Variants in B3GALT1 observed in about 807,000 individuals in gnomAD.
B3GALT1 encodes beta-1,3-galactosyltransferase 1.
B3GALT1 carries 10 observed loss-of-function variants against 23.2 expected under a neutral mutation model. That is an observed-to-expected ratio of 0.43 (90% CI 0.27 to 0.73). The LOEUF is 0.73. Among genes scored for constraint, B3GALT1 ranks in the 30% least tolerant of loss-of-function variants. The pLI is 0.21. For synonymous variants in B3GALT1, 156 were observed against 141.5 expected (o/e 1.10, Z -0.73); for missense variants, 299 against 405.4 (o/e 0.74, Z 2.25).
chr2:167,373,127 A>G (rs1464293452), intron 1 of B3GALT1, among the ~76,000 whole-genome samples: 1 of 152,150 alleles, frequency 6.6e-6, no homozygotes, highest in Non-Finnish European at 1.5e-5. Flanking sequence ...GAGAAAAAGA[A>G]CATATTTTCA....
chr2:167,477,441 T>A (rs1160913263), intron 1 of B3GALT1, among the ~76,000 whole-genome samples: 1 of 152,076 alleles, frequency 6.6e-6, no homozygotes, highest in Non-Finnish European at 1.5e-5. Context: ...CCAAGAACAG[T>A]TTAAGAATCA....
At chr2:167,294,621 A>C (rs1696319713) in intron 1 of B3GALT1, among the ~76,000 whole-genome samples, 1 of 152,140 alleles carries the variant, frequency 6.6e-6, no homozygotes, top group Admixed American at 6.5e-5. Context: ...AGTTCTTGAA[A>C]TACCTCAATA....
intron 3 of B3GALT1, among the ~76,000 whole-genome samples, chr2:167,771,147 G>A (rs1388217215): frequency 6.6e-6 from 1 of 152,138 alleles, no homozygotes; most frequent in African/African-American, 2.4e-5. Flanking sequence ...TTAAACTGTG[G>A]ACTAATAATG....
At chr2:167,610,372 G>T (rs1039196207) in intron 2 of B3GALT1, among the ~76,000 whole-genome samples, 1 of 152,036 alleles carries the variant, frequency 6.6e-6, no homozygotes, top group Non-Finnish European at 1.5e-5. Flanking sequence ...TGGAAAACAT[G>T]TTCCTTGTAG....
intron 1 of B3GALT1, among the ~76,000 whole-genome samples, chr2:167,297,248 T>C (rs895148634): frequency 2.6e-5 from 4 of 152,126 alleles, no homozygotes. Context: ...TTTATGACTG[T>C]GCAAAGTCAA....
chr2:167,429,810 A>G (rs1180357508), intron 1 of B3GALT1, among the ~76,000 whole-genome samples: 1 of 152,244 alleles, frequency 6.6e-6, no homozygotes, highest in Non-Finnish European at 1.5e-5. Flanking sequence ...ATTCCTGTAA[A>G]GAACAATGCC....
rs367603806 is a variant in B3GALT1, at chr2:167,539,867, A to G, written c.-410+49590A>G. ...TTAAATGGCTTTCTTGTAAGCTTTT[A>G]ATTATTTTCTGTTTTCTGAACCTTG... is the stretch of plus-strand genomic sequence containing the variant. On this transcript the variant is annotated intron_variant, in intron 2 of 4. Coordinates refer to ENST00000392690, the MANE Select transcript of B3GALT1 (RefSeq NM_020981.4). Among the ~76,000 whole-genome samples the G allele has an allele frequency of 3.3e-5, 5 of 152,164 alleles. No individual in the cohort carries two copies. In the South Asian group the frequency reaches 6.2e-4, roughly 19 times the overall value.
intron 1 of B3GALT1, among the ~76,000 whole-genome samples, chr2:167,411,873 A>C (rs1267277866): frequency 6.6e-6 from 1 of 152,220 alleles, no homozygotes; most frequent in African/African-American, 2.4e-5. Context: ...TTATGCAGCC[A>C]TAAAACAAAT....
At chr2:167,379,501 A>G (rs1195481699) in intron 1 of B3GALT1, among the ~76,000 whole-genome samples, 1 of 151,976 alleles carries the variant, frequency 6.6e-6, no homozygotes, top group Non-Finnish European at 1.5e-5. Context: ...CTTTGCTTCT[A>G]CAGCCGTGTG....
chr2:167,752,751 A>G (rs1387379882), intron 3 of B3GALT1, among the ~76,000 whole-genome samples: 1 of 152,186 alleles, frequency 6.6e-6, no homozygotes, highest in Non-Finnish European at 1.5e-5. Flanking sequence ...AGCAACTCAC[A>G]ATTGTTGAAA....
rs532330366 is a variant in B3GALT1 at position 167,707,811 on chromosome 2, A to G, written c.-352+60845A>G. Among the ~76,000 whole-genome samples the G allele has an allele frequency of 9.2e-5, 14 of 152,336 alleles. No homozygotes were observed. The South Asian group carries it at 2.7e-3, about 29-fold the overall frequency. On this transcript the variant is annotated intron_variant, in intron 3 of 4. Coordinates refer to ENST00000392690, the MANE Select transcript of B3GALT1 (RefSeq NM_020981.4). ...ATGTGGGCCTCTTTGGAGGGCCATT[A>G]TTCTGCTATCACAACACGTAAGGGC...
At chr2:167,367,267 G>A (rs1449564421) in intron 1 of B3GALT1, among the ~76,000 whole-genome samples, 1 of 152,172 alleles carries the variant, frequency 6.6e-6, no homozygotes, top group African/African-American at 2.4e-5. Context: ...AATTTCAAGA[G>A]CATTCTAAAA....
At position 167,764,209 on chromosome 2, in the gene B3GALT1, C is replaced by T. The variant is rs555394536; in HGVS notation, c.-351-54463C>T. On this transcript the variant is annotated intron_variant, in intron 3 of 4. Transcript: ENST00000392690. Reference sequence around the variant, plus strand: ...CTTCACAAAAGTTTTCTGGTTCATTCGAGTCACTGAATTCCAAATAATGCA... The same window carrying T: ...CTTCACAAAAGTTTTCTGGTTCATTTGAGTCACTGAATTCCAAATAATGCA... 5.9e-5 allele frequency among the ~76,000 whole-genome samples: 9 copies of T among 152,274 alleles called. No homozygotes were observed. The South Asian group carries it at 1.2e-3, about 21-fold the overall frequency.
intron 3 of B3GALT1, among the ~76,000 whole-genome samples, chr2:167,788,550 A>G (rs779781310): frequency 1.2e-4 from 18 of 152,014 alleles, no homozygotes; most frequent in African/African-American, 4.1e-4. Flanking sequence ...TCATGTTCCT[A>G]TGAGAATCTA....
chr2:167,360,488 A>AC (rs1489127025), intron 1 of B3GALT1, among the ~76,000 whole-genome samples: 2 of 152,182 alleles, frequency 1.3e-5, no homozygotes, highest in Non-Finnish European at 2.9e-5. Flanking sequence ...GCAGACCAGC[A>AC]CCGTCAGTAT....
chr2:167,558,518 A>G (rs979537671), intron 2 of B3GALT1, among the ~76,000 whole-genome samples: 3 of 152,226 alleles, frequency 2.0e-5, no homozygotes, highest in Admixed American at 6.5e-5. Flanking sequence ...GACTCACTCC[A>G]GAAGCAGAAG....
chr2:167,807,644 C>A (rs756582175), intron 3 of B3GALT1, among the ~76,000 whole-genome samples: 2 of 152,108 alleles, frequency 1.3e-5, no homozygotes, highest in Non-Finnish European at 2.9e-5. Flanking sequence ...TTTCTTAATC[C>A]TGAGTTCTAG....
At chr2:167,778,163 A>C (rs1178592886) in intron 3 of B3GALT1, among the ~76,000 whole-genome samples, 1 of 152,228 alleles carries the variant, frequency 6.6e-6, no homozygotes, top group African/African-American at 2.4e-5. Flanking sequence ...GACATTTTGC[A>C]GATGAACATT....
chr2:167,833,718 A>G (rs1332474572), intron 4 of B3GALT1, among the ~76,000 whole-genome samples: 1 of 152,218 alleles, frequency 6.6e-6, no homozygotes, highest in Non-Finnish European at 1.5e-5. Flanking sequence ...CAAGTCCCAA[A>G]ATAAAACTGG....
Sources: gnomAD v4.1 joint callset for allele counts (sites outside exome capture counted in the v4.1 genomes callset) on GRCh38, gnomAD v4.1.1 for gene constraint, MANE v1.5 for transcripts, NCBI Gene and HGNC (gene_info 2026-07-23, HGNC 2026-07-21) for gene names.